Variants in SORL1 observed in about 807,000 individuals in gnomAD.
The protein encoded by SORL1 is sortilin related receptor 1.
SORL1 carries 127 observed loss-of-function variants against 273.7 expected under a neutral mutation model. The observed-to-expected ratio is 0.46, with a 90% confidence interval of 0.40 to 0.54. The LOEUF is 0.54. Among genes scored for constraint, SORL1 ranks in the 20% least tolerant of loss-of-function variants. The pLI is 0.00. For synonymous variants in SORL1, 1,031 were observed against 1,067.4 expected (o/e 0.97, Z 0.66); for missense variants, 2,494 against 2,846.1 (o/e 0.88, Z 2.81).
At chr11:121,545,160 T>A in intron 13 of SORL1, 83 bp from the exon 14 acceptor site, 3 of 1,318,206 alleles carry the variant, frequency 2.3e-6, no homozygotes. Context: ...AAGTGGGGGT[T>A]GAGGCCAGGC....
chr11:121,488,756 T>C (rs754925517), intron 4 of SORL1, among the ~76,000 whole-genome samples: 2 of 152,214 alleles, frequency 1.3e-5, no homozygotes, highest in Non-Finnish European at 2.9e-5. Flanking sequence ...GTAAGACTTA[T>C]ATCTCAAGGT....
In SORL1 at chr11:121,633,306, G is replaced by A. The variant is rs913302298; in HGVS notation, c.*3743G>A. 3.9e-5 allele frequency: 6 copies of A among 152,160 alleles called. No individual in the cohort carries two copies. Among genetic ancestry groups the A allele is most frequent in the African/African-American group, 1.4e-4 (6 of 41,438 alleles). 9.4% of individuals were successfully genotyped at this position (152,160 alleles called of 1,614,324 possible). ...TCGTCACAGCCAAGTAATAACCCAA[G>A]AATGGTATGAGTTTCATGTGTAATA... On this transcript the variant is annotated 3_prime_UTR_variant, in exon 48 of 48. Transcript: ENST00000260197.
rs73597307 is a variant in SORL1 at position 121,619,714 on chromosome 11, T to C, written c.5725-39T>C. ...CTTTAATAAAGATTGCATAAGGCCA[T>C]GATGTATTTTTTTTCCTACGTGTGT... On this transcript the variant is annotated intron_variant, in intron 42 of 47. Coordinates refer to ENST00000260197, the MANE Select transcript of SORL1 (RefSeq NM_003105.6). 2.0e-3 allele frequency: 3,004 copies of C among 1,520,656 alleles called. 49 individuals carry two copies. In the African/African-American group the frequency reaches 0.038, roughly 19 times the overall value. The allele number at this position is 1,520,656 out of a possible 1,614,324, so 94.2% of individuals were successfully genotyped here. A position where few individuals can be genotyped will look rare whatever the true frequency, so the allele number is the denominator to read the frequency against.
At chr11:121,567,632 AC>A (rs1433146127) in intron 22 of SORL1, among the ~76,000 whole-genome samples, 1 of 152,128 alleles carries the variant, frequency 6.6e-6, no homozygotes, top group East Asian at 1.9e-4. Flanking sequence ...TTGAGTCTAG[AC>A]CTTATGCCAT....
Position 121,529,105 on chromosome 11 carries a change from C to T in SORL1, c.1597-3359C>T, listed in dbSNP as rs980767258. 5.9e-5 allele frequency among the ~76,000 whole-genome samples: 9 copies of T among 152,096 alleles called. No homozygotes were observed. The South Asian group carries it at 1.9e-3, about 32-fold the overall frequency. On this transcript the variant is annotated intron_variant, in intron 11 of 47. Transcript: ENST00000260197. ...TAATAATATTTTCTCATGAATTGTC[C>T]CTTTTATCATTATGAACTATCTCTC...
intron 12 of SORL1, 27 bp downstream of exon 12, chr11:121,532,579 A>G (rs1706814779): frequency 6.3e-7 from 1 of 1,581,600 alleles, no homozygotes. Flanking sequence ...AGGCCTTTTA[A>G]CATCAAACTT....
Position 121,577,323 on chromosome 11 carries a change from G to T in SORL1, c.3503G>T (p.Gly1168Val). The T allele has an allele frequency of 6.2e-7, 1 of 1,613,330 alleles. No individual in the cohort carries two copies. The highest frequency in any genetic ancestry group is 1.1e-5 in the South Asian group (1 of 90,968). Residue 1168 changes from glycine (G) to valine (V), a missense_variant, in exon 25 of 48, where the codon GGC becomes GTC. Physicochemically the swap from Gly to Val is moderately radical, Grantham distance 109. Around this residue, in one of 3 missense-constraint regions of SORL1, gnomAD observed 1,609 missense variants for 1,816.4 expected, o/e 0.89. Coordinates refer to ENST00000260197, the MANE Select transcript of SORL1 (RefSeq NM_003105.6). ...AGTGACGAGTACAACTGCAGTTCCGGCATGTGCATCCGCTCCTCCTGGGTA... is the reference window on the plus strand; with the variant it reads ...AGTGACGAGTACAACTGCAGTTCCGTCATGTGCATCCGCTCCTCCTGGGTA... ...CRSDEYNCSS[G>V]MCIRSSWVCD... is the part of the protein sequence containing the mutation.
intron 41 of SORL1, among the ~76,000 whole-genome samples, chr11:121,617,643 A>G (rs987140458): frequency 2.0e-5 from 3 of 152,162 alleles, no homozygotes; most frequent in Admixed American, 6.5e-5. Context: ...CGTCAAGCCC[A>G]TGTCTTACAT....
chr11:121,566,804 C>T, intron 21 of SORL1, 136 bp from the exon 22 acceptor site: 1 of 784,660 alleles, frequency 1.3e-6, no homozygotes, highest in Non-Finnish European at 2.0e-6. Flanking sequence ...CGCCCCAAAG[C>T]TTGCCACTTG....
At chr11:121,476,114 A>G (rs142130327) in intron 2 of SORL1, among the ~76,000 whole-genome samples, 1 of 152,332 alleles carries the variant, frequency 6.6e-6, no homozygotes, top group East Asian at 1.9e-4. Context: ...TTATCAAATT[A>G]TGGGATGTCA....
intron 26 of SORL1, among the ~76,000 whole-genome samples, chr11:121,583,784 G>C (rs1863050731): frequency 6.6e-6 from 1 of 152,174 alleles, no homozygotes; most frequent in Non-Finnish European, 1.5e-5. Flanking sequence ...AAGAGTTGCA[G>C]GCAAGCAGTT....
At chr11:121,490,906 T>C (rs922929282) in intron 5 of SORL1, among the ~76,000 whole-genome samples, 5 of 152,236 alleles carry the variant, frequency 3.3e-5, no homozygotes, top group Non-Finnish European at 7.4e-5. Flanking sequence ...TAACACACAT[T>C]GTGAAAGAGG....
chr11:121,596,734 CT>C lies in SORL1; in HGVS notation c.4519+963del, dbSNP rs1372027494. Among the ~76,000 whole-genome samples, 1 of 152,198 alleles carries C rather than the reference CT, an allele frequency of 6.6e-6. No homozygotes were observed. The highest frequency in any genetic ancestry group is 1.5e-5 in the Non-Finnish European group (1 of 68,044). ...GTCCTGGTGAATGTAGAAGACGCCC[CT>C]CTCACTCTCTGCTGAGAGCCTCCCT... On this transcript the variant is annotated intron_variant, in intron 32 of 47. Transcript: ENST00000260197. This position sits in a 1 kb window ranked among gnomAD's most constrained non-coding sequence, Gnocchi z 4.3.
chr11:121,588,040 ATGGACTTTG>A lies in SORL1; in HGVS notation c.3838_3846del (p.Asp1280_Val1282del). 1 of 1,613,374 alleles carries A rather than the reference ATGGACTTTG, an allele frequency of 6.2e-7. No individual in the cohort carries two copies. Among genetic ancestry groups the A allele is most frequent in the Non-Finnish European group, 8.5e-7 (1 of 1,179,606 alleles). ...TACAGAGCCCCTCTGTACGCACTTC[ATGGACTTTG>A]TGTGTAAGAACCGCCAGCAGTGCCT... is the stretch of plus-strand genomic sequence containing the variant. On this transcript the variant is annotated inframe_deletion, in exon 28 of 48. Transcript: ENST00000260197.
intron 16 of SORL1, among the ~76,000 whole-genome samples, chr11:121,551,814 A>G (rs1862511693): frequency 6.6e-6 from 1 of 152,232 alleles, no homozygotes; most frequent in South Asian, 2.1e-4. Flanking sequence ...AGTAATTAAC[A>G]TACCTCACTA....
intron 12 of SORL1, 99 bp from the exon 13 acceptor site, chr11:121,543,449 A>G: frequency 2.1e-6 from 2 of 934,694 alleles, no homozygotes; most frequent in South Asian, 3.4e-5. Context: ...CATTTCTCCA[A>G]GGAGCCCTGG....
intron 18 of SORL1, among the ~76,000 whole-genome samples, chr11:121,555,852 C>G (rs559235439): frequency 3.9e-5 from 6 of 152,116 alleles, no homozygotes; most frequent in African/African-American, 1.4e-4. Flanking sequence ...TGATGAGTGA[C>G]CTCTAAACTG....
At chr11:121,613,134 T>C (rs112652569) in intron 40 of SORL1, among the ~76,000 whole-genome samples, 21 of 152,234 alleles carry the variant, frequency 1.4e-4, no homozygotes, top group African/African-American at 4.8e-4. Context: ...GAGTTTTGAT[T>C]TCCAAAAGAA....
intron 21 of SORL1, among the ~76,000 whole-genome samples, chr11:121,566,019 A>G (rs1027967756): frequency 2.6e-5 from 4 of 152,152 alleles, no homozygotes; most frequent in Non-Finnish European, 5.9e-5. Context: ...CTCTGGCACA[A>G]AGGAATTGAG....
Sources: gnomAD v4.1 joint callset for allele counts (sites outside exome capture counted in the v4.1 genomes callset) on GRCh38, gnomAD v4.1.1 for gene constraint, gnomAD v4.1.1 regional missense constraint, Gnocchi (gnomAD v3.1) non-coding constraint, MANE v1.5 for transcripts, NCBI Gene and HGNC (gene_info 2026-07-23, HGNC 2026-07-21) for gene names.